The following EML1 variants were observed in gnomAD, a reference collection of about 807,000 sequenced individuals.
EML1 encodes echinoderm microtubule-associated protein-like 1.
In EML1, 27 loss-of-function variants were observed where a neutral mutation model predicts 110.4. The observed-to-expected ratio is 0.24, with a 90% confidence interval of 0.18 to 0.34. The LOEUF is 0.34. EML1 is among the 10% of genes least tolerant of loss of function. EML1 has a pLI of 1.00. For missense variants in EML1, 741 were observed against 1,030.9 expected, an observed-to-expected ratio of 0.72 and a Z score of 3.85; for synonymous variants, 344 against 385.8, an observed-to-expected ratio of 0.89 and a Z score of 1.27.
At chr14:99,859,893 A>G (rs1055608687) in intron 2 of EML1, among the ~76,000 whole-genome samples, 1 of 152,230 alleles carries the variant, frequency 6.6e-6, no homozygotes, top group East Asian at 1.9e-4. Context: ...GGATGTAGCC[A>G]GGGGATAATG....
At chr14:99,824,238 G>A (rs1284982562) in intron 1 of EML1, among the ~76,000 whole-genome samples, 1 of 152,174 alleles carries the variant, frequency 6.6e-6, no homozygotes, top group African/African-American at 2.4e-5. Flanking sequence ...GGGATTACAG[G>A]CGTGAGCCAC....
rs1156309337 is a variant in EML1, at chr14:99,887,532, CT to C, written c.519-3666del. Among the ~76,000 whole-genome samples, 6 of 151,862 alleles carry C rather than the reference CT, an allele frequency of 4.0e-5. No individual in the cohort carries two copies. In the East Asian group the frequency reaches 1.2e-3, roughly 29 times the overall value. ...CCTTCCTAGGACAGGACTGGGCATT[CT>C]CCCCCGCACCCCGCCACCGCCATGG... is the stretch of plus-strand genomic sequence containing the variant. On this transcript the variant is annotated intron_variant, in intron 4 of 21. Coordinates refer to ENST00000262233, the MANE Select transcript of EML1 (RefSeq NM_004434.3).
At chr14:99,809,053 A>G (rs1398659333) in intron 1 of EML1, among the ~76,000 whole-genome samples, 3 of 152,200 alleles carry the variant, frequency 2.0e-5, no homozygotes, top group Non-Finnish European at 2.9e-5. Flanking sequence ...GAACTATACC[A>G]AGTGGCTTTC....
chr14:99,742,303 C>T (rs554340829), intron 1 of EML1, among the ~76,000 whole-genome samples: 8 of 152,184 alleles, frequency 5.3e-5, no homozygotes, highest in Non-Finnish European at 1.2e-4. Context: ...CAGCAAGTGG[C>T]CTGGGTTTTC....
chr14:99,815,523 T>A (rs12891848), intron 1 of EML1, among the ~76,000 whole-genome samples: 60,135 of 152,040 alleles, frequency 0.4, 12,601 homozygotes, highest in South Asian at 0.57. Flanking sequence ...CATTGATTTA[T>A]TTTAGAGAAA....
Position 99,936,329 on chromosome 14 carries a change from T to C in EML1, c.2090T>C (p.Leu697Pro). 1 of 1,613,068 alleles carries C rather than the reference T, an allele frequency of 6.2e-7. No homozygotes were observed. Among genetic ancestry groups the C allele is most frequent in the Non-Finnish European group, 8.5e-7 (1 of 1,179,850 alleles). The change falls in exon 19 of 22, where the codon CTC becomes CCC. Residue 697 changes from leucine (L) to proline (P), a missense_variant. This residue lies in a region of EML1 where 388 missense variants were observed against 605.6 expected (regional missense o/e 0.64). Transcript: ENST00000262233. This position sits in a 1 kb window ranked among gnomAD's most constrained non-coding sequence, Gnocchi z 5.5. ...TCAAATTCCGGAGACTACGAAATCCTCTACTGTGAGTACCACCCCGGGGTT... is the reference window on the plus strand; with the variant it reads ...TCAAATTCCGGAGACTACGAAATCCCCTACTGTGAGTACCACCCCGGGGTT... The part of the protein sequence containing the change: ...LVSNSGDYEI[L>P]YWVPSACKQV...
intron 4 of EML1, among the ~76,000 whole-genome samples, chr14:99,890,497 G>A (rs955504515): frequency 6.6e-6 from 1 of 152,170 alleles, no homozygotes; most frequent in Non-Finnish European, 1.5e-5. Flanking sequence ...TCCCCTCGTG[G>A]AAGTTTCTCC....
chr14:99,761,110 G>A (rs1005909113), intron 1 of EML1, among the ~76,000 whole-genome samples: 1 of 152,172 alleles, frequency 6.6e-6, no homozygotes, highest in African/African-American at 2.4e-5. Context: ...ACCCTGGGAG[G>A]CACGATTTTT....
intron 4 of EML1, among the ~76,000 whole-genome samples, chr14:99,879,813 G>A (rs1452960541): frequency 6.6e-6 from 1 of 152,200 alleles, no homozygotes. Context: ...GAGGTGCAAC[G>A]TAGCCCAAAG....
chr14:99,855,270 T>G (rs2058883497), intron 2 of EML1, among the ~76,000 whole-genome samples: 1 of 152,254 alleles, frequency 6.6e-6, no homozygotes, highest in Non-Finnish European at 1.5e-5. Context: ...GTAATAGGAT[T>G]ATGAATTTTT....
chr14:99,903,283 T>C (rs918946075), intron 9 of EML1, among the ~76,000 whole-genome samples: 3 of 152,226 alleles, frequency 2.0e-5, no homozygotes, highest in Admixed American at 2.0e-4. Context: ...CCTGTTCTGC[T>C]TGATATTCAG....
At chr14:99,787,773 T>C (rs1401545806) in intron 1 of EML1, among the ~76,000 whole-genome samples, 1 of 150,558 alleles carries the variant, frequency 6.6e-6, no homozygotes. Flanking sequence ...ATCTCCTCCC[T>C]GTGTCTTCAC....
chr14:99,836,456 A>C (rs914257779), intron 1 of EML1, among the ~76,000 whole-genome samples: 1 of 152,188 alleles, frequency 6.6e-6, no homozygotes, highest in Non-Finnish European at 1.5e-5. Context: ...ATCATCTGCA[A>C]ATAGACAGTT....
chr14:99,900,925 A>G lies in EML1; in HGVS notation c.898-4A>G, dbSNP rs1018925977. On this transcript the variant is annotated splice_region_variant and splice_polypyrimidine_tract_variant and intron_variant, in intron 8 of 21. Coordinates refer to ENST00000262233, the MANE Select transcript of EML1 (RefSeq NM_004434.3). ...TGATGGCTCTGTGTTTCTTTTCTGAACAGCAATTGCCCCCACATGTGCGCA... is the reference window on the plus strand; with the variant it reads ...TGATGGCTCTGTGTTTCTTTTCTGAGCAGCAATTGCCCCCACATGTGCGCA... 1.2e-6 allele frequency: 2 copies of G among 1,613,584 alleles called. No homozygotes were observed. Among genetic ancestry groups the G allele is most frequent in the Non-Finnish European group, 1.7e-6 (2 of 1,179,500 alleles).
At chr14:99,782,054 C>G (rs902040132) in intron 1 of EML1, among the ~76,000 whole-genome samples, 13 of 152,320 alleles carry the variant, frequency 8.5e-5, no homozygotes, top group Non-Finnish European at 1.8e-4. Context: ...CGCAGCCCCA[C>G]CCTATCGTAG....
intron 1 of EML1, among the ~76,000 whole-genome samples, chr14:99,808,358 T>C (rs977860735): frequency 6.6e-6 from 1 of 152,190 alleles, no homozygotes; most frequent in Non-Finnish European, 1.5e-5. Context: ...TTTAAATTAT[T>C]ATAAGAGACA....
In EML1 at chr14:99,909,454, TTAA is replaced by T. The variant is rs2059910397; in HGVS notation, c.1218_1220del (p.Asn406del). The T allele has an allele frequency of 6.2e-7, 1 of 1,614,062 alleles. No homozygotes were observed. Among genetic ancestry groups the T allele is most frequent in the South Asian group, 1.1e-5 (1 of 91,080 alleles). On this transcript the variant is annotated inframe_deletion, in exon 11 of 22. Coordinates refer to ENST00000262233, the MANE Select transcript of EML1 (RefSeq NM_004434.3). Reference sequence around the variant, plus strand: ...TTTTGGACACTAGAAGGAAGCTCCCTTAATAAGAAGCAAGGATTATTCGAGGTA... The same window carrying T: ...TTTTGGACACTAGAAGGAAGCTCCCTTAAGAAGCAAGGATTATTCGAGGTA...
chr14:99,934,143 G>C (rs1391730326), intron 17 of EML1, among the ~76,000 whole-genome samples: 1 of 152,172 alleles, frequency 6.6e-6, no homozygotes, highest in Non-Finnish European at 1.5e-5. Flanking sequence ...GTATCATTAA[G>C]TGGCCATTGT....
intron 15 of EML1, among the ~76,000 whole-genome samples, chr14:99,917,491 C>T (rs915553240): frequency 6.6e-6 from 1 of 152,142 alleles, no homozygotes; most frequent in Non-Finnish European, 1.5e-5. Flanking sequence ...AGGAGTGTCA[C>T]TTGTGCTGCA....
Sources: gnomAD v4.1 joint callset for allele counts (sites outside exome capture counted in the v4.1 genomes callset) on GRCh38, gnomAD v4.1.1 for gene constraint, gnomAD v4.1.1 regional missense constraint, Gnocchi (gnomAD v3.1) non-coding constraint, MANE v1.5 for transcripts, NCBI Gene and HGNC (gene_info 2026-07-23, HGNC 2026-07-21) for gene names.